Variants in NDUFAF6 observed in about 807,000 individuals in gnomAD.
The protein encoded by NDUFAF6 is NADH dehydrogenase (ubiquinone) complex I, assembly factor 6.
A neutral mutation model predicts 40.8 loss-of-function variants in NDUFAF6; 45 were observed. The observed-to-expected ratio is 1.10, with a 90% confidence interval of 0.87 to 1.42. The LOEUF is 1.42. Ranked by LOEUF, NDUFAF6 falls within the 40% of genes most tolerant of loss-of-function variation. NDUFAF6 has a pLI of 0.00. For missense variants in NDUFAF6, 435 were observed against 418.5 expected (o/e 1.04, Z -0.34); for synonymous variants, 185 against 155.9 (o/e 1.19, Z -1.39).
chr8:95,108,039 C>T (rs1353938373), downstream of NDUFAF6, among the ~76,000 whole-genome samples: 4 of 152,264 alleles, frequency 2.6e-5, no homozygotes, highest in Non-Finnish European at 5.9e-5. Context: ...CATAGAAAAA[C>T]AACAACGACA....
intron 4 of NDUFAF6, among the ~76,000 whole-genome samples, chr8:95,114,975 T>C (rs543701823): frequency 6.6e-6 from 1 of 151,704 alleles, no homozygotes; most frequent in Non-Finnish European, 1.5e-5. Flanking sequence ...GGCAGGTGAA[T>C]CGCTGGAACC....
chr8:94,965,766 G>T (rs1823964506), intron 1 of NDUFAF6, among the ~76,000 whole-genome samples: 1 of 152,236 alleles, frequency 6.6e-6, no homozygotes, highest in Non-Finnish European at 1.5e-5. Flanking sequence ...TTACCTGAAG[G>T]TGAGAAGTCA....
chr8:95,106,848 A>G (rs1809855194), downstream of NDUFAF6, among the ~76,000 whole-genome samples: 1 of 152,198 alleles, frequency 6.6e-6, no homozygotes, highest in Non-Finnish European at 1.5e-5. Flanking sequence ...CTTCTCAAAA[A>G]AAGACATTTA....
chr8:94,995,398 A>G (rs1826380339), intron 2 of NDUFAF6, among the ~76,000 whole-genome samples: 2 of 152,204 alleles, frequency 1.3e-5, no homozygotes, highest in African/African-American at 4.8e-5. Flanking sequence ...GCACAATAAC[A>G]TTCATATACT....
intron 2 of NDUFAF6, among the ~76,000 whole-genome samples, chr8:95,005,246 C>T (rs1826910774): frequency 6.6e-6 from 1 of 152,046 alleles, no homozygotes; most frequent in Non-Finnish European, 1.5e-5. Context: ...GAGAGACCCC[C>T]ACCAAGCTAG....
chr8:94,959,531 T>G (rs1036634100), intron 1 of NDUFAF6, among the ~76,000 whole-genome samples: 1 of 53,008 alleles, frequency 1.9e-5, no homozygotes, highest in Non-Finnish European at 4.7e-5. Context: ...TTGCTTTTTG[T>G]TTTTTTTGTT....
chr8:95,057,717 C>CT (rs753089047), intron 8 of NDUFAF6, 92 bp from the exon 9 acceptor site: 1 of 1,021,546 alleles, frequency 9.8e-7, no homozygotes. Flanking sequence ...CTAAAATAGC[C>CT]TAAATACTTG....
At chr8:95,071,388 A>T (rs1375544444) in intron 9 of NDUFAF6, among the ~76,000 whole-genome samples, 1 of 133,026 alleles carries the variant, frequency 7.5e-6, no homozygotes, top group Non-Finnish European at 1.6e-5. Context: ...ATAGAGCGAG[A>T]CTCCGTCTCC....
intron 4 of NDUFAF6, among the ~76,000 whole-genome samples, chr8:95,043,064 CTT>C (rs1289361234): frequency 6.6e-6 from 1 of 150,540 alleles, no homozygotes; most frequent in Non-Finnish European, 1.5e-5. Context: ...ATCTTAATGA[CTT>C]TTAGGTTAGG....
At chr8:95,087,369 G>A (rs1809085708) in intron 2 of NDUFAF6, among the ~76,000 whole-genome samples, 1 of 152,042 alleles carries the variant, frequency 6.6e-6, no homozygotes, top group African/African-American at 2.4e-5. Flanking sequence ...CTTTCTTGGA[G>A]TAAGAGGCTC....
chr8:94,938,740 C>A (rs983186899), intron 1 of NDUFAF6, among the ~76,000 whole-genome samples: 1 of 152,200 alleles, frequency 6.6e-6, no homozygotes, highest in African/African-American at 2.4e-5. Context: ...ATGGGCCTTG[C>A]CTTATGCATC....
intron 1 of NDUFAF6, chr8:94,930,763 C>CA: frequency 1.2e-6 from 2 of 1,606,064 alleles, no homozygotes; most frequent in Non-Finnish European, 1.7e-6. Flanking sequence ...TATTAAATAA[C>CA]AGAGTATGTT....
chr8:94,955,714 C>A (rs1025646376), upstream of NDUFAF6, among the ~76,000 whole-genome samples: 4 of 152,056 alleles, frequency 2.6e-5, no homozygotes, highest in Admixed American at 2.6e-4. Context: ...GAACTTGAGC[C>A]CCCTCAAACC....
intron 2 of NDUFAF6, among the ~76,000 whole-genome samples, chr8:95,035,170 C>T (rs186126240): frequency 9.3e-4 from 142 of 152,134 alleles, no homozygotes; most frequent in Middle Eastern, 6.8e-3. Flanking sequence ...TGTGAGTCAC[C>T]GTGCCTGACC....
At chr8:94,976,295 G>A (rs1341138198) in intron 1 of NDUFAF6, among the ~76,000 whole-genome samples, 1 of 152,036 alleles carries the variant, frequency 6.6e-6, no homozygotes, top group Non-Finnish European at 1.5e-5. Flanking sequence ...CACGAGGTCA[G>A]GAGGTTGAGA....
downstream of NDUFAF6, among the ~76,000 whole-genome samples, chr8:95,061,253 C>G: frequency 6.6e-6 from 1 of 152,180 alleles, no homozygotes; most frequent in East Asian, 1.9e-4. Flanking sequence ...GAATTAAGAT[C>G]AGAGACTTGC....
downstream of NDUFAF6, among the ~76,000 whole-genome samples, chr8:95,079,245 C>G (rs1808740362): frequency 6.6e-6 from 1 of 152,004 alleles, no homozygotes; most frequent in Non-Finnish European, 1.5e-5. Context: ...GTGCTGGGAG[C>G]CACCGTGAAC....
At chr8:95,027,938 AT>A (rs1453852188) in intron 1 of NDUFAF6, among the ~76,000 whole-genome samples, 1 of 152,184 alleles carries the variant, frequency 6.6e-6, no homozygotes, top group African/African-American at 2.4e-5. Flanking sequence ...CTCAAACCTA[AT>A]TTACATAGGC....
At chr8:94,940,953 G>C in intron 1 of NDUFAF6, 1 of 1,602,014 alleles carries the variant, frequency 6.2e-7, no homozygotes, top group Non-Finnish European at 8.5e-7. Context: ...GTTAAGGCAA[G>C]ACTGAGAGTT....
Sources: gnomAD v4.1 joint callset for allele counts (sites outside exome capture counted in the v4.1 genomes callset) on GRCh38, gnomAD v4.1.1 for gene constraint, MANE v1.5 for transcripts, NCBI Gene and HGNC (gene_info 2026-07-23, HGNC 2026-07-21) for gene names.